The following PCDH15 variants were observed in gnomAD, a reference collection of about 807,000 sequenced individuals.
The protein encoded by PCDH15 is protocadherin related 15, also known as protocadherin-15.
PCDH15 carries 129 observed loss-of-function variants against 178.5 expected under a neutral mutation model. The observed-to-expected ratio is 0.72, with a 90% CI of 0.63 to 0.84. The LOEUF is 0.84. Ranked by LOEUF, PCDH15 falls within the 40% of genes least tolerant of loss-of-function variation. The pLI is 0.00. For synonymous variants in PCDH15, 800 were observed against 732.0 expected (o/e 1.09, Z -1.50); for missense variants, 2,230 against 2,099.9 (o/e 1.06, Z -1.21).
chr10:53,943,506 A>G (rs2086256086), intron 23 of PCDH15, among the ~76,000 whole-genome samples: 1 of 151,904 alleles, frequency 6.6e-6, no homozygotes, highest in South Asian at 2.1e-4. Context: ...ACAAACAAAA[A>G]AAACAAAACA....
At chr10:55,504,741 A>G (rs1052140448) in intron 2 of PCDH15, among the ~76,000 whole-genome samples, 1 of 151,382 alleles carries the variant, frequency 6.6e-6, no homozygotes, top group African/African-American at 2.4e-5. Context: ...TTATACTGTT[A>G]TTTTTATATC....
intron 2 of PCDH15, among the ~76,000 whole-genome samples, chr10:55,566,373 AACTT>A (rs1842302438): frequency 6.6e-6 from 1 of 151,706 alleles, no homozygotes; most frequent in African/African-American, 2.4e-5. Context: ...AATCGTGAAA[AACTT>A]AAGAGTTTTC....
intron 1 of PCDH15, among the ~76,000 whole-genome samples, chr10:54,778,763 AAAAT>A (rs1949970733): frequency 6.6e-6 from 1 of 152,166 alleles, no homozygotes; most frequent in African/African-American, 2.4e-5. Context: ...ATTCATTACT[AAAAT>A]AAATTTAAGA....
chr10:53,903,498 C>T (rs2082467336), intron 25 of PCDH15, 128 bp from the exon 26 acceptor site: 10 of 1,030,258 alleles, frequency 9.7e-6, no homozygotes, highest in African/African-American at 4.8e-5. Flanking sequence ...TTTCTAGATG[C>T]CATGCCTAGC....
chr10:54,266,051 T>TA (rs35683672), intron 8 of PCDH15, among the ~76,000 whole-genome samples: 11 of 151,288 alleles, frequency 7.3e-5, no homozygotes, highest in African/African-American at 2.4e-4. Context: ...GTCAAGAAAT[T>TA]AAAAAAAATA....
At chr10:55,099,991 A>G (rs890696526) in intron 2 of PCDH15, among the ~76,000 whole-genome samples, 1 of 152,164 alleles carries the variant, frequency 6.6e-6, no homozygotes, top group East Asian at 1.9e-4. Context: ...AAGCAGTGTT[A>G]CCTATCATAA....
rs1260841226 is a variant in PCDH15 at position 54,247,881 on chromosome 10, A to AAATATATAT, written c.877-10951_877-10950insATATATATT. 3.7e-4 allele frequency among the ~76,000 whole-genome samples: 55 copies of AAATATATAT among 148,548 alleles called. 1 individual carries two copies. The highest frequency in any genetic ancestry group is 1.3e-3 in the African/African-American group (53 of 40,374). On this transcript the variant is annotated intron_variant, in intron 8 of 37. Transcript: ENST00000644397. ...AGACTCTTTCTCAAAAAAAAAAAGA[A>AAATATATAT]ATATGTATATATATATATCTACATT...
chr10:55,056,555 ACT>A (rs1297385935), intron 2 of PCDH15, among the ~76,000 whole-genome samples: 2 of 148,590 alleles, frequency 1.3e-5, no homozygotes, highest in Admixed American at 6.7e-5. Flanking sequence ...CCTCAATAAG[ACT>A]CTGTTTGCTT....
At chr10:55,011,851 C>T (rs930917602) in intron 2 of PCDH15, among the ~76,000 whole-genome samples, 1 of 151,976 alleles carries the variant, frequency 6.6e-6, no homozygotes, top group Admixed American at 6.6e-5. Flanking sequence ...CAAAAAATGG[C>T]ATGATGAGTA....
intron 2 of PCDH15, among the ~76,000 whole-genome samples, chr10:54,564,238 C>T (rs187734858): frequency 3.9e-5 from 6 of 152,106 alleles, no homozygotes; most frequent in East Asian, 1.9e-4. Flanking sequence ...AGATCCCTAA[C>T]GACATATCAG....
chr10:54,320,492 C>A (rs61853342), intron 7 of PCDH15, among the ~76,000 whole-genome samples: 31,146 of 151,700 alleles, frequency 0.21, 3,247 homozygotes, highest in Admixed American at 0.23. Context: ...TGGTGGTTCA[C>A]AAATTAACTT....
chr10:54,476,338 G>C (rs1225173998), intron 3 of PCDH15, among the ~76,000 whole-genome samples: 1 of 151,914 alleles, frequency 6.6e-6, no homozygotes, highest in African/African-American at 2.4e-5. Flanking sequence ...CTGTTGTCTA[G>C]AGTTCTTTAT....
intron 2 of PCDH15, among the ~76,000 whole-genome samples, chr10:54,633,744 A>C (rs909822679): frequency 6.6e-6 from 1 of 152,148 alleles, no homozygotes; most frequent in African/African-American, 2.4e-5. Flanking sequence ...GAAAATATAA[A>C]GTATCTACCT....
chr10:55,160,457 C>G (rs1400044347), intron 2 of PCDH15, among the ~76,000 whole-genome samples: 2 of 151,430 alleles, frequency 1.3e-5, no homozygotes, highest in Non-Finnish European at 2.9e-5. Context: ...TTTTTTGGTC[C>G]CCAAAACTCT....
intron 15 of PCDH15, among the ~76,000 whole-genome samples, chr10:54,090,663 G>C (rs76963308): frequency 0.091 from 12,866 of 141,234 alleles, 1,022 homozygotes; most frequent in African/African-American, 0.22. Context: ...AAAAAAAAAA[G>C]TGCTAAACTA....
chr10:55,098,909 AG>A (rs1842511368), intron 2 of PCDH15, among the ~76,000 whole-genome samples: 1 of 139,284 alleles, frequency 7.2e-6, no homozygotes, highest in African/African-American at 2.7e-5. Flanking sequence ...AGAGAGAGAG[AG>A]AGAGAGAGAG....
At chr10:54,612,787 TA>T (rs1484251471) in intron 2 of PCDH15, among the ~76,000 whole-genome samples, 1 of 151,778 alleles carries the variant, frequency 6.6e-6, no homozygotes, top group East Asian at 1.9e-4. Context: ...TTACACAGTA[TA>T]AAACCTATTG....
At chr10:54,558,650 A>G (rs1258993254) in intron 2 of PCDH15, among the ~76,000 whole-genome samples, 1 of 152,088 alleles carries the variant, frequency 6.6e-6, no homozygotes, top group East Asian at 1.9e-4. Context: ...TTATTACTAC[A>G]TTATCATTCT....
chr10:54,697,262 T>G (rs1184098249), intron 1 of PCDH15, among the ~76,000 whole-genome samples: 9 of 152,030 alleles, frequency 5.9e-5, no homozygotes, highest in Admixed American at 5.9e-4. Context: ...ATATACTTGA[T>G]AGTTTAAAAA....
Sources: gnomAD v4.1 joint callset for allele counts (sites outside exome capture counted in the v4.1 genomes callset) on GRCh38, gnomAD v4.1.1 for gene constraint, MANE v1.5 for transcripts, NCBI Gene and HGNC (gene_info 2026-07-23, HGNC 2026-07-21) for gene names.